Variants in KAZN observed in about 807,000 individuals in gnomAD.
KAZN encodes the protein kazrin, periplakin interacting protein.
A neutral mutation model predicts 87.4 loss-of-function variants in KAZN; 40 were observed. The ratio of observed to expected loss-of-function variants is 0.46; its 90% CI spans 0.36 to 0.60. The LOEUF is 0.60. KAZN is among the 20% of genes least tolerant of loss of function. KAZN has a pLI of 0.00. For synonymous variants in KAZN, 466 were observed against 458.3 expected, an observed-to-expected ratio of 1.02 and a Z score of -0.22; for missense variants, 898 against 1,073.9, an observed-to-expected ratio of 0.84 and a Z score of 2.29.
intron 1 of KAZN, among the ~76,000 whole-genome samples, chr1:14,844,138 G>A (rs1011659546): frequency 2.0e-5 from 3 of 152,030 alleles, no homozygotes; most frequent in African/African-American, 7.2e-5. Context: ...AGTCCAGACT[G>A]AGCCTGCTTC....
intron 1 of KAZN, among the ~76,000 whole-genome samples, chr1:14,066,003 C>A (rs1642992898): frequency 6.6e-6 from 1 of 152,178 alleles, no homozygotes; most frequent in Non-Finnish European, 1.5e-5. Flanking sequence ...GCTTCTGAAT[C>A]TCTGCTGTCC....
At chr1:13,956,309 TC>T (rs201506647) in intron 1 of KAZN, among the ~76,000 whole-genome samples, 1 of 102,560 alleles carries the variant, frequency 9.8e-6, no homozygotes, top group African/African-American at 3.7e-5. Flanking sequence ...TTCTTTTTTT[TC>T]TTTTTTTTTT....
chr1:14,323,999 C>CT (rs1431257793), intron 2 of KAZN, among the ~76,000 whole-genome samples: 1 of 152,144 alleles, frequency 6.6e-6, no homozygotes, highest in African/African-American at 2.4e-5. Context: ...CTGGCCAACT[C>CT]TTTTCTGAAT....
intron 2 of KAZN, among the ~76,000 whole-genome samples, chr1:14,248,482 C>CA (rs1459330439): frequency 6.6e-6 from 1 of 152,296 alleles, no homozygotes; most frequent in Admixed American, 6.5e-5. Flanking sequence ...GTGAGACTAG[C>CA]AGAGGGTGTG....
intron 3 of KAZN, among the ~76,000 whole-genome samples, chr1:15,041,494 C>G (rs564385511): frequency 1.3e-5 from 2 of 151,702 alleles, no homozygotes; most frequent in African/African-American, 2.4e-5. Context: ...TGCACCACCA[C>G]GCCCAGCTAA....
chr1:14,554,970 G>A (rs779243806), intron 2 of KAZN, among the ~76,000 whole-genome samples: 1 of 152,188 alleles, frequency 6.6e-6, no homozygotes, highest in Non-Finnish European at 1.5e-5. Context: ...TCCCGTAAGA[G>A]TTCCTTAGCT....
At chr1:14,840,566 G>A (rs1647842492) in intron 1 of KAZN, among the ~76,000 whole-genome samples, 1 of 152,230 alleles carries the variant, frequency 6.6e-6, no homozygotes, top group Non-Finnish European at 1.5e-5. Context: ...AGGTGATAGA[G>A]GCGCTTTGGG....
chr1:14,103,487 C>A (rs540373649), intron 1 of KAZN, among the ~76,000 whole-genome samples: 1 of 152,252 alleles, frequency 6.6e-6, no homozygotes, highest in South Asian at 2.1e-4. Flanking sequence ...AAATCTGATA[C>A]CAAGCCTCAC....
chr1:14,503,349 T>A (rs1003152081), intron 2 of KAZN, among the ~76,000 whole-genome samples: 1 of 151,222 alleles, frequency 6.6e-6, no homozygotes, highest in South Asian at 2.1e-4. Flanking sequence ...CCGGGCGTGG[T>A]GGCGGGTGCC....
chr1:14,926,407 G>C (rs1345464295), intron 1 of KAZN, among the ~76,000 whole-genome samples: 1 of 152,220 alleles, frequency 6.6e-6, no homozygotes. Flanking sequence ...AGGTCTAGGG[G>C]TGGTTGTTAT....
rs34463773 is a variant in KAZN at position 14,944,227 on chromosome 1, TAAAA to T, written c.227-16442_227-16439del. Among the ~76,000 whole-genome samples, 62 of 127,638 alleles carry T rather than the reference TAAAA, an allele frequency of 4.9e-4. 1 individual carries two copies. Among genetic ancestry groups the T allele is most frequent in the African/African-American group, 9.1e-4 (33 of 36,076 alleles). 83.7% of individuals were successfully genotyped at this position (127,638 alleles called of 152,430 possible). A position where few individuals can be genotyped will look rare whatever the true frequency, so the allele number is the denominator to read the frequency against. ...TCTTCCCGCTCCCAGCTCCCCCTCC[TAAAA>T]AAAAAAAAAAAAAAGCAACTCACAT... On this transcript the variant is annotated intron_variant, in intron 1 of 14. Coordinates refer to ENST00000376030, the MANE Select transcript of KAZN (RefSeq NM_201628.3).
At chr1:14,607,923 C>G (rs766786538) in intron 1 of KAZN, among the ~76,000 whole-genome samples, 2 of 152,206 alleles carry the variant, frequency 1.3e-5, no homozygotes, top group African/African-American at 4.8e-5. Context: ...GTGATGAGCT[C>G]AACAAACATT....
intron 1 of KAZN, among the ~76,000 whole-genome samples, chr1:14,697,284 C>T (rs558718791): frequency 6.6e-6 from 1 of 151,840 alleles, no homozygotes; most frequent in Admixed American, 6.6e-5. Flanking sequence ...GAGCCATGAT[C>T]ACACCACTGC....
chr1:14,065,461 A>G lies in KAZN; in HGVS notation c.92-114974A>G, dbSNP rs569541689. Among the ~76,000 whole-genome samples the G allele has an allele frequency of 8.5e-5, 13 of 152,318 alleles. No individual in the cohort carries two copies. In the South Asian group the frequency reaches 1.0e-3, roughly 12 times the overall value. On this transcript the variant is annotated intron_variant, in intron 1 of 16. Coordinates refer to the KAZN transcript ENST00000636203. ...AAAAGCTCGCTCACCTTTGAAAGCTAAAAGCATAATTTGAATCTTTTGTTT... is the reference window on the plus strand; with the variant it reads ...AAAAGCTCGCTCACCTTTGAAAGCTGAAAGCATAATTTGAATCTTTTGTTT...
intron 1 of KAZN, among the ~76,000 whole-genome samples, chr1:14,644,334 C>T (rs1302670565): frequency 6.7e-6 from 1 of 150,298 alleles, no homozygotes; most frequent in East Asian, 2.0e-4. Flanking sequence ...ATAGAATTGT[C>T]TGTTTTTCTC....
Position 15,096,776 on chromosome 1 carries a change from A to G in KAZN, c.1547+1843A>G, listed in dbSNP as rs557013236. Among the ~76,000 whole-genome samples, 14 of 152,308 alleles carry G rather than the reference A, an allele frequency of 9.2e-5. No individual in the cohort carries two copies. The highest frequency in any genetic ancestry group is 1.6e-4 in the Non-Finnish European group (11 of 68,022). On this transcript the variant is annotated intron_variant, in intron 10 of 14. Coordinates refer to ENST00000376030, the MANE Select transcript of KAZN (RefSeq NM_201628.3). The surrounding 1 kb of genome is among the most constrained non-coding windows in gnomAD (Gnocchi z 4.5). Reference sequence around the variant, plus strand: ...GTCTCTGGTCTCTTCCTGTAAGGACAATAATCCCATCATGAAGGGCACCCC... The same window carrying G: ...GTCTCTGGTCTCTTCCTGTAAGGACGATAATCCCATCATGAAGGGCACCCC...
intron 2 of KAZN, among the ~76,000 whole-genome samples, chr1:14,971,648 G>T (rs2101839258): frequency 6.6e-6 from 1 of 151,380 alleles, no homozygotes; most frequent in Non-Finnish European, 1.5e-5. Context: ...CTTCCCTGGA[G>T]GCACCAGGAG....
intron 1 of KAZN, among the ~76,000 whole-genome samples, chr1:13,912,010 C>T (rs1639669524): frequency 6.6e-6 from 1 of 152,148 alleles, no homozygotes; most frequent in South Asian, 2.1e-4. Flanking sequence ...TCTCTCTGAA[C>T]CACGGCTTTT....
rs60043918 is a variant in KAZN, at chr1:14,371,180, C to T, written c.249+190588C>T. On this transcript the variant is annotated intron_variant, in intron 2 of 16. Coordinates refer to the KAZN transcript ENST00000636203. ...GTTCCAGGTTCAGTTAGTTGGTCTG[C>T]GGTAGGGCCAAGCAAGCTACATTTG... is the stretch of plus-strand genomic sequence containing the variant. 2.9e-3 allele frequency among the ~76,000 whole-genome samples: 438 copies of T among 152,248 alleles called. 4 individuals are homozygous for T. The highest frequency in any genetic ancestry group is 0.01 in the African/African-American group (416 of 41,538).
Sources: allele counts gnomAD v4.1 joint callset (sites outside exome capture counted in the v4.1 genomes callset), GRCh38; gene constraint gnomAD v4.1.1; non-coding constraint Gnocchi (gnomAD v3.1); transcripts MANE v1.5; gene names NCBI Gene and HGNC (gene_info 2026-07-23, HGNC 2026-07-21).